The following CNTNAP2 variants were observed in gnomAD, a reference collection of about 807,000 sequenced individuals.
The protein encoded by CNTNAP2 is contactin-associated protein-like 2.
In CNTNAP2, 98 loss-of-function variants were observed where a neutral mutation model predicts 155.2. That is an observed-to-expected ratio of 0.63 (90% CI 0.54 to 0.75). The LOEUF is 0.75. CNTNAP2 is among the 30% of genes least tolerant of loss of function. The pLI, the probability that CNTNAP2 is intolerant of heterozygous loss-of-function variation, is 0.00. For missense variants in CNTNAP2, 1,727 were observed against 1,688.1 expected, an observed-to-expected ratio of 1.02 and a Z score of -0.40; for synonymous variants, 651 against 631.2, an observed-to-expected ratio of 1.03 and a Z score of -0.47.
intron 14 of CNTNAP2, among the ~76,000 whole-genome samples, chr7:147,932,742 C>T (rs957788120): frequency 1.3e-5 from 2 of 152,108 alleles, no homozygotes; most frequent in Non-Finnish European, 2.9e-5. Flanking sequence ...AACTTCTGTA[C>T]AGCAAAGGAA....
chr7:146,673,406 A>G (rs182096099), intron 1 of CNTNAP2, among the ~76,000 whole-genome samples: 1 of 152,338 alleles, frequency 6.6e-6, no homozygotes, highest in African/African-American at 2.4e-5. Flanking sequence ...GTTATGCCAG[A>G]AACGAAACAG....
At chr7:146,586,663 T>G (rs569244213) in intron 1 of CNTNAP2, among the ~76,000 whole-genome samples, 150 of 152,148 alleles carry the variant, frequency 9.9e-4, no homozygotes, top group Admixed American at 1.8e-3. Context: ...ACACACACAT[T>G]TACAACAAAA....
In CNTNAP2 at chr7:147,766,633, C is replaced by A. The variant is rs373168641; in HGVS notation, c.2098+127327C>A. Among the ~76,000 whole-genome samples, 14 of 152,198 alleles carry A rather than the reference C, an allele frequency of 9.2e-5. 1 individual carries two copies. Among genetic ancestry groups the A allele is most frequent in the Admixed American group, 6.5e-4 (10 of 15,268 alleles). On this transcript the variant is annotated intron_variant, in intron 13 of 23. Transcript: ENST00000361727. ...GGTCAGTCTTAATCCTAGCCTTAAT[C>A]CTGAACTTTTCAAGTACTTGAAGCA...
intron 13 of CNTNAP2, among the ~76,000 whole-genome samples, chr7:147,785,368 G>T (rs1330615981): frequency 1.3e-5 from 2 of 152,124 alleles, no homozygotes; most frequent in Non-Finnish European, 2.9e-5. Context: ...GTGTTGCTGA[G>T]AGGCCCAATA....
At chr7:147,063,186 C>T (rs954106366) in intron 4 of CNTNAP2, among the ~76,000 whole-genome samples, 4 of 152,194 alleles carry the variant, frequency 2.6e-5, no homozygotes, top group Non-Finnish European at 5.9e-5. Flanking sequence ...TAGCCCCATG[C>T]TCTTCCACTA....
chr7:146,485,808 A>G (rs1209264786), intron 1 of CNTNAP2, among the ~76,000 whole-genome samples: 1 of 152,050 alleles, frequency 6.6e-6, no homozygotes, highest in East Asian at 1.9e-4. Flanking sequence ...AAAAAAACCC[A>G]TGACACAAAT....
At position 146,839,721 on chromosome 7, in the gene CNTNAP2, A is replaced by T; in HGVS notation, c.219A>T (p.Gly73=). Residue 73 remains glycine (G), a synonymous_variant, in exon 3 of 24, where the codon GGA becomes GGT. Coordinates refer to ENST00000361727, the MANE Select transcript of CNTNAP2 (RefSeq NM_014141.6). ...TCTGCCCATCTTCAGGTGCTGGGGG[A>T]TGGTCTCCATCAGACAGCGACCATT... ...AKINKRGGAG[G]WSPSDSDHYQ... 6.2e-7 allele frequency: 1 copy of T among 1,614,074 alleles called. No homozygotes were observed. The highest frequency in any genetic ancestry group is 1.3e-5 in the African/African-American group (1 of 75,004).
At chr7:147,199,018 AT>A (rs1246776846) in intron 8 of CNTNAP2, among the ~76,000 whole-genome samples, 2 of 146,908 alleles carry the variant, frequency 1.4e-5, no homozygotes, top group Non-Finnish European at 3.0e-5. Flanking sequence ...CTGGAGTGCA[AT>A]GGCGTGGTCT....
intron 15 of CNTNAP2, among the ~76,000 whole-genome samples, chr7:148,039,362 G>A (rs560562351): frequency 6.6e-6 from 1 of 152,102 alleles, no homozygotes; most frequent in Non-Finnish European, 1.5e-5. Context: ...CAGCAAATTG[G>A]ATCATGCCTG....
At chr7:148,048,885 C>A (rs1802828032) in intron 15 of CNTNAP2, among the ~76,000 whole-genome samples, 1 of 152,044 alleles carries the variant, frequency 6.6e-6, no homozygotes, top group Non-Finnish European at 1.5e-5. Context: ...CTTGAGAGAA[C>A]AAGTCTAACA....
chr7:146,941,140 A>G (rs1797047152), intron 3 of CNTNAP2, among the ~76,000 whole-genome samples: 1 of 152,076 alleles, frequency 6.6e-6, no homozygotes, highest in African/African-American at 2.4e-5. Context: ...ATAACTTACT[A>G]CACTATATTG....
At chr7:147,457,055 A>C (rs777359900) in intron 10 of CNTNAP2, among the ~76,000 whole-genome samples, 1 of 152,216 alleles carries the variant, frequency 6.6e-6, no homozygotes, top group Non-Finnish European at 1.5e-5. Context: ...ATATGAATTC[A>C]AAACTAACTG....
intron 21 of CNTNAP2, among the ~76,000 whole-genome samples, chr7:148,276,421 C>A (rs1360101365): frequency 6.6e-6 from 1 of 152,204 alleles, no homozygotes; most frequent in Non-Finnish European, 1.5e-5. Context: ...CCAACCAAGG[C>A]AGGAGGAAGC....
chr7:148,218,111 G>A (rs1795679252), intron 19 of CNTNAP2, among the ~76,000 whole-genome samples: 1 of 152,228 alleles, frequency 6.6e-6, no homozygotes, highest in Non-Finnish European at 1.5e-5. Context: ...GGGCAACAGA[G>A]TGAGACCCTG....
Position 146,116,931 on chromosome 7 carries a change from A to C in CNTNAP2, c.55A>C (p.Ser19Arg). 1 of 1,552,590 alleles carries C rather than the reference A, an allele frequency of 6.4e-7. No homozygotes were observed. Among genetic ancestry groups the C allele is most frequent in the South Asian group, 1.2e-5 (1 of 84,244 alleles). The stretch of plus-strand genomic sequence containing the variant: ...GGCAGCGCTCCTGCTGTGGATTGTC[A>C]GCAGCTGCCTCTGCAGAGCCTGGAC... ...CGAALLLWIV[S>R]SCLCRAWTAP... Residue 19 changes from serine (S) to arginine (R), a missense_variant, in exon 1 of 24, where the codon AGC becomes CGC. Transcript: ENST00000361727. The surrounding 1 kb of genome is among the most constrained non-coding windows in gnomAD (Gnocchi z 5.5).
intron 15 of CNTNAP2, among the ~76,000 whole-genome samples, chr7:148,053,161 C>A (rs1265057562): frequency 6.6e-6 from 1 of 151,956 alleles, no homozygotes; most frequent in Non-Finnish European, 1.5e-5. Flanking sequence ...GAATATTATC[C>A]CAGTTTTACA....
intron 10 of CNTNAP2, among the ~76,000 whole-genome samples, chr7:147,435,614 C>T (rs1246042217): frequency 6.6e-6 from 1 of 152,188 alleles, no homozygotes; most frequent in Non-Finnish European, 1.5e-5. Context: ...CTTATTCCAT[C>T]CAATGTTCTA....
chr7:146,207,041 T>A (rs974010973), intron 1 of CNTNAP2, among the ~76,000 whole-genome samples: 1 of 151,924 alleles, frequency 6.6e-6, no homozygotes, highest in African/African-American at 2.4e-5. Context: ...AACATTGGCC[T>A]CAAATATTCA....
chr7:147,290,683 CAAAAAAAA>C (rs71182191), intron 8 of CNTNAP2, among the ~76,000 whole-genome samples: 36 of 73,284 alleles, frequency 4.9e-4, no homozygotes, highest in Admixed American at 7.6e-4. Flanking sequence ...ACTCCATCTC[CAAAAAAAA>C]AAAAAAAAAA....
Sources: gnomAD v4.1 joint callset for allele counts (sites outside exome capture counted in the v4.1 genomes callset) on GRCh38, gnomAD v4.1.1 for gene constraint, Gnocchi (gnomAD v3.1) non-coding constraint, MANE v1.5 for transcripts, NCBI Gene and HGNC (gene_info 2026-07-23, HGNC 2026-07-21) for gene names.